The following LGSN variants were observed in gnomAD, a reference collection of about 807,000 sequenced individuals.
LGSN encodes lengsin.
Under a neutral mutation model 19.5 loss-of-function variants are expected in LGSN, and 21 were observed. The observed-to-expected ratio is 1.07, with a 90% CI of 0.76 to 1.55. LGSN has a LOEUF of 1.55. Among genes scored for constraint, LGSN ranks in the 40% most tolerant of loss-of-function variants. The pLI, the probability that LGSN is intolerant of heterozygous loss-of-function variation, is 0.00. For missense variants in LGSN, 673 were observed against 608.5 expected, an observed-to-expected ratio of 1.11 and a Z score of -1.12; for synonymous variants, 257 against 215.6, an observed-to-expected ratio of 1.19 and a Z score of -1.68.
chr6:63,283,159 C>G (rs1361285232), intron 3 of LGSN, among the ~76,000 whole-genome samples: 3 of 152,060 alleles, frequency 2.0e-5, no homozygotes, highest in Non-Finnish European at 4.4e-5. Context: ...TTTTCTGGCA[C>G]TGTAATTTGC....
chr6:63,360,118 G>A, the LGSN span, among the ~76,000 whole-genome samples: 2 of 152,134 alleles, frequency 1.3e-5, no homozygotes, highest in Admixed American at 1.3e-4. Context: ...TTTCAACTTT[G>A]GTGAATCTGA....
chr6:63,447,439 G>A, the LGSN span, among the ~76,000 whole-genome samples: 1 of 152,126 alleles, frequency 6.6e-6, no homozygotes. Flanking sequence ...ATCTGGTGTT[G>A]CTACCTTACT....
At chr6:63,395,914 G>T in the LGSN span, 1 of 154,460 alleles carries the variant, frequency 6.5e-6, no homozygotes, top group South Asian at 1.9e-4. Flanking sequence ...AAGGATTAGG[G>T]ACTCTGTGAG....
the LGSN span, among the ~76,000 whole-genome samples, chr6:63,535,608 T>C: frequency 9.2e-5 from 14 of 152,242 alleles, no homozygotes; most frequent in African/African-American, 2.7e-4. Context: ...TAATATGAGG[T>C]ATCGAATGTT....
At chr6:63,473,495 A>G in the LGSN span, among the ~76,000 whole-genome samples, 1 of 151,492 alleles carries the variant, frequency 6.6e-6, no homozygotes, top group Non-Finnish European at 1.5e-5. Context: ...AAAAAAAAAA[A>G]AAAAAATCTA....
chr6:63,523,703 C>T, the LGSN span, among the ~76,000 whole-genome samples: 31 of 152,212 alleles, frequency 2.0e-4, no homozygotes, highest in African/African-American at 7.0e-4. Context: ...AATTCATAAA[C>T]TCTTTTAAAA....
the LGSN span, among the ~76,000 whole-genome samples, chr6:63,428,031 T>G: frequency 6.6e-6 from 1 of 152,218 alleles, no homozygotes; most frequent in Non-Finnish European, 1.5e-5. Context: ...ACGCTGTTTT[T>G]ATCACAAAAG....
the LGSN span, among the ~76,000 whole-genome samples, chr6:63,364,750 T>C: frequency 6.6e-6 from 1 of 152,188 alleles, no homozygotes. Flanking sequence ...CAGACCACAG[T>C]GCAATCAAAC....
chr6:63,521,622 T>C, the LGSN span: 43 of 152,306 alleles, frequency 2.8e-4, no homozygotes, highest in African/African-American at 1.0e-3. Context: ...TAGCATATAT[T>C]TTAGAAACTG....
At chr6:63,407,309 C>T in the LGSN span, among the ~76,000 whole-genome samples, 1 of 151,992 alleles carries the variant, frequency 6.6e-6, no homozygotes, top group Non-Finnish European at 1.5e-5. Flanking sequence ...AATCCAGCAG[C>T]ACATCAAAAA....
At chr6:63,462,303 G>A in the LGSN span, among the ~76,000 whole-genome samples, 30 of 152,092 alleles carry the variant, frequency 2.0e-4, no homozygotes. Flanking sequence ...GAAATAATAA[G>A]AACTACTAGG....
the LGSN span, among the ~76,000 whole-genome samples, chr6:63,326,037 C>T: frequency 1.3e-5 from 2 of 152,002 alleles, no homozygotes; most frequent in South Asian, 2.1e-4. Context: ...CCCTACAATC[C>T]CTGAGCTCGA....
the LGSN span, among the ~76,000 whole-genome samples, chr6:63,356,688 T>C: frequency 6.6e-6 from 1 of 152,116 alleles, no homozygotes; most frequent in Non-Finnish European, 1.5e-5. Context: ...CACTGAGGAA[T>C]TGTGCCATGC....
the LGSN span, among the ~76,000 whole-genome samples, chr6:63,350,856 AC>A: frequency 2.2e-4 from 34 of 151,684 alleles, no homozygotes; most frequent in African/African-American, 8.0e-4. Flanking sequence ...AAAAAAAAAA[AC>A]AAACAAACAA....
chr6:63,342,877 T>G, the LGSN span, among the ~76,000 whole-genome samples: 1 of 152,230 alleles, frequency 6.6e-6, no homozygotes, highest in Admixed American at 6.5e-5. Context: ...TCATGTTTCC[T>G]GCAGTGATGT....
chr6:63,352,669 T>TCACACACA, the LGSN span, among the ~76,000 whole-genome samples: 5 of 150,566 alleles, frequency 3.3e-5, no homozygotes, highest in African/African-American at 1.2e-4. Context: ...TCTCTCTCTC[T>TCACACACA]CACACACACA....
the LGSN span, among the ~76,000 whole-genome samples, chr6:63,419,115 G>C: frequency 6.6e-6 from 1 of 152,084 alleles, no homozygotes; most frequent in African/African-American, 2.4e-5. Flanking sequence ...TGGGATACAT[G>C]AGACAAAAAG....
the LGSN span, among the ~76,000 whole-genome samples, chr6:63,528,520 T>C: frequency 1.3e-5 from 2 of 151,968 alleles, no homozygotes; most frequent in Non-Finnish European, 2.9e-5. Flanking sequence ...AGCCCAGGTG[T>C]TCAAGGCCAG....
At chr6:63,464,035 A>G in the LGSN span, among the ~76,000 whole-genome samples, 81,993 of 151,820 alleles carry the variant, frequency 0.54, 22,448 homozygotes, top group Middle Eastern at 0.57. Flanking sequence ...AGGGAGCATA[A>G]ATGAAAAAAA....
Sources: allele counts gnomAD v4.1 joint callset (sites outside exome capture counted in the v4.1 genomes callset), GRCh38; gene constraint gnomAD v4.1.1; transcripts MANE v1.5; gene names NCBI Gene and HGNC (gene_info 2026-07-23, HGNC 2026-07-21).